ATG7: variants seen among roughly 807,000 people sequenced by gnomAD.
ATG7 encodes autophagy related 7, also known as ubiquitin-like modifier-activating enzyme ATG7.
ATG7 carries 70 observed loss-of-function variants against 82.4 expected under a neutral mutation model. The observed-to-expected ratio is 0.85, with a 90% CI of 0.70 to 1.04. The LOEUF (loss-of-function observed/expected upper bound fraction) is 1.04. ATG7 is among the 50% of genes least tolerant of loss of function. The probability of loss-of-function intolerance (pLI) is 0.00; values close to 1 mark genes in which losing one functional copy is unlikely to be tolerated. For synonymous variants in ATG7, 287 were observed against 313.0 expected (o/e 0.92, Z 0.88); for missense variants, 792 against 864.3 (o/e 0.92, Z 1.05).
At chr3:11,383,971 C>G (rs1420890705) in intron 19 of ATG7, among the ~76,000 whole-genome samples, 2 of 152,210 alleles carry the variant, frequency 1.3e-5, no homozygotes, top group African/African-American at 4.8e-5. Flanking sequence ...AACCCACACT[C>G]TTCCTATCAA....
chr3:11,403,582 C>T (rs1645685804), intron 19 of ATG7, among the ~76,000 whole-genome samples: 1 of 152,148 alleles, frequency 6.6e-6, no homozygotes, highest in African/African-American at 2.4e-5. Context: ...GAGTTACTTG[C>T]ATTTCATTGG....
chr3:11,516,451 T>G (rs2092285763), intron 20 of ATG7, among the ~76,000 whole-genome samples: 1 of 152,096 alleles, frequency 6.6e-6, no homozygotes, highest in Non-Finnish European at 1.5e-5. Flanking sequence ...CAACACCGAA[T>G]GGTAGTGAGA....
Position 11,317,457 on chromosome 3 carries a change from A to G in ATG7, c.678+1964A>G, listed in dbSNP as rs565519392. Among the ~76,000 whole-genome samples the G allele has an allele frequency of 1.2e-4, 18 of 152,288 alleles. No individual in the cohort carries two copies. In the South Asian group the frequency reaches 3.5e-3, roughly 30 times the overall value. The stretch of plus-strand genomic sequence containing the variant: ...CTTTCACATACTTGATCTTTTTATG[A>G]TAAGTCTGTGAAACAAGCGTTAGTT... On this transcript the variant is annotated intron_variant, in intron 9 of 20. Coordinates refer to ENST00000693202, the MANE Select transcript of ATG7 (RefSeq NM_001349232.2).
chr3:11,429,948 GAAAA>G (rs542247546), intron 20 of ATG7, among the ~76,000 whole-genome samples: 2 of 126,178 alleles, frequency 1.6e-5, no homozygotes, highest in Non-Finnish European at 3.2e-5. Context: ...TCTGTCTCAG[GAAAA>G]AAAAAAAAAA....
chr3:11,341,390 G>T lies in ATG7; in HGVS notation c.980+655G>T, dbSNP rs571678349. ...TGGCCCACCTTGAAGGATATTAGAA[G>T]AATTATTTCATGGAAGCCAGTATTG... is the stretch of plus-strand genomic sequence containing the variant. On this transcript the variant is annotated intron_variant, in intron 12 of 20. Coordinates refer to ENST00000693202, the MANE Select transcript of ATG7 (RefSeq NM_001349232.2). Among the ~76,000 whole-genome samples, 48 of 150,630 alleles carry T rather than the reference G, an allele frequency of 3.2e-4. 2 individuals carry two copies. In the Middle Eastern group the frequency reaches 0.021, roughly 64 times the overall value.
chr3:11,412,162 T>C (rs889984839), intron 19 of ATG7, among the ~76,000 whole-genome samples: 10 of 151,968 alleles, frequency 6.6e-5, no homozygotes, highest in Admixed American at 2.0e-4. Flanking sequence ...GGGCTTTATA[T>C]AGCAGGGAGG....
chr3:11,332,258 T>G (rs1395977504), intron 10 of ATG7, among the ~76,000 whole-genome samples: 1 of 152,202 alleles, frequency 6.6e-6, no homozygotes, highest in Non-Finnish European at 1.5e-5. Flanking sequence ...AAACATAATA[T>G]TAAGTGAAAT....
intron 20 of ATG7, chr3:11,488,167 C>T (rs2089932936): frequency 9.5e-6 from 1 of 105,488 alleles, no homozygotes; most frequent in East Asian, 2.0e-4. Flanking sequence ...CCAGACTGGG[C>T]AGCCAGGCAG....
intron 20 of ATG7, among the ~76,000 whole-genome samples, chr3:11,499,090 T>C (rs566342001): frequency 2.0e-5 from 3 of 152,368 alleles, no homozygotes; most frequent in African/African-American, 7.2e-5. Context: ...TAGGTAATTA[T>C]GTCCTAACAA....
At chr3:11,334,172 C>T (rs1367460691) in intron 11 of ATG7, among the ~76,000 whole-genome samples, 1 of 152,190 alleles carries the variant, frequency 6.6e-6, no homozygotes, top group Non-Finnish European at 1.5e-5. Flanking sequence ...AAGCCCAGCA[C>T]TTTTATACTT....
chr3:11,539,476 G>A (rs1315135803), intron 20 of ATG7, among the ~76,000 whole-genome samples: 1 of 151,900 alleles, frequency 6.6e-6, no homozygotes, highest in Admixed American at 6.6e-5. Context: ...GGTTGGGCTG[G>A]AAGGATTCTG....
Position 11,519,539 on chromosome 3 carries a change from GTTTTTTTTTTTTTTTTTTTTTTTTT to G in ATG7, c.2080-35258_2080-35234del, listed in dbSNP as rs574523805. The stretch of plus-strand genomic sequence containing the variant: ...TCATGAAAGGCAGGCAGTGAGAGGA[GTTTTTTTTTTTTTTTTTTTTTTTTT>G]TTTTTTTTTTTTTGAGACGGAGTCT... On this transcript the variant is annotated intron_variant, in intron 20 of 20. Transcript: ENST00000693202. Among the ~76,000 whole-genome samples the G allele has an allele frequency of 5.3e-4, 33 of 62,210 alleles. No homozygotes were observed. In the South Asian group the frequency reaches 0.018, roughly 34 times the overall value. The allele number at this position is 62,210 out of a possible 152,430, so 40.8% of individuals were successfully genotyped here.
At chr3:11,464,915 TA>T (rs1333408231) in intron 20 of ATG7, among the ~76,000 whole-genome samples, 2 of 152,150 alleles carry the variant, frequency 1.3e-5, no homozygotes, top group Non-Finnish European at 2.9e-5. Context: ...TTAAGTAATA[TA>T]ATGTATTTGA....
intron 16 of ATG7, 119 bp downstream of exon 16, chr3:11,360,903 A>T (rs1320125826): frequency 1.1e-5 from 13 of 1,167,842 alleles, no homozygotes; most frequent in South Asian, 3.0e-5. Context: ...AAAGAGAAGA[A>T]TTCTCCAATT....
intron 3 of ATG7, among the ~76,000 whole-genome samples, chr3:11,286,831 C>T (rs932717267): frequency 6.6e-6 from 1 of 151,966 alleles, no homozygotes; most frequent in African/African-American, 2.4e-5. Context: ...TCTCAAACTC[C>T]TGAGCTCAAG....
intron 20 of ATG7, among the ~76,000 whole-genome samples, chr3:11,480,507 G>A (rs1051741908): frequency 1.1e-4 from 16 of 152,164 alleles, no homozygotes; most frequent in African/African-American, 3.6e-4. Context: ...GGCCGAGGCT[G>A]TAGTGAGCCA....
chr3:11,473,757 G>A (rs2087806785), intron 20 of ATG7, among the ~76,000 whole-genome samples: 1 of 152,158 alleles, frequency 6.6e-6, no homozygotes. Context: ...ACCTGACTGG[G>A]AATATATATT....
chr3:11,383,350 A>G (rs1284903443), intron 19 of ATG7, among the ~76,000 whole-genome samples: 7 of 152,124 alleles, frequency 4.6e-5, no homozygotes, highest in African/African-American at 9.7e-5. Flanking sequence ...ATGTTTCCCT[A>G]TGATTCGATT....
intron 20 of ATG7, among the ~76,000 whole-genome samples, chr3:11,526,480 A>T (rs555929774): frequency 6.6e-6 from 1 of 152,218 alleles, no homozygotes; most frequent in Non-Finnish European, 1.5e-5. Flanking sequence ...ATTTTTTAAG[A>T]TGCTAATTTA....
Sources: allele counts gnomAD v4.1 joint callset (sites outside exome capture counted in the v4.1 genomes callset), GRCh38; gene constraint gnomAD v4.1.1; transcripts MANE v1.5; gene names NCBI Gene and HGNC (gene_info 2026-07-23, HGNC 2026-07-21).